LPA: variants seen among roughly 807,000 people sequenced by gnomAD.
The protein encoded by LPA is lipoprotein(a).
A neutral mutation model predicts 197.9 loss-of-function variants in LPA; 199 were observed. The ratio of observed to expected loss-of-function variants is 1.01; its 90% CI spans 0.90 to 1.13. LPA has a LOEUF of 1.13. LPA is among the 50% of genes most tolerant of loss of function. LPA has a pLI of 0.00. For synonymous variants in LPA, 715 were observed against 639.5 expected, an observed-to-expected ratio of 1.12 and a Z score of -1.78; for missense variants, 1,853 against 1,785.8, an observed-to-expected ratio of 1.04 and a Z score of -0.68.
intron 2 of LPA, among the ~76,000 whole-genome samples, chr6:160,647,005 T>G (rs1303776677): frequency 6.6e-6 from 1 of 152,126 alleles, no homozygotes; most frequent in East Asian, 1.9e-4. Context: ...CATTCCCATA[T>G]CATGTCGGTC....
chr6:160,611,556 A>T lies in LPA; in HGVS notation c.2603+6T>A, dbSNP rs1562345228. The stretch of plus-strand genomic sequence containing the variant: ...TATTCTCTTATGGTAAAGAACAAAG[A>T]CATACGCATTTGGGTAGTATTCTGG... On this transcript the variant is annotated splice_donor_region_variant and intron_variant, in intron 16 of 38. Coordinates refer to ENST00000316300, the MANE Select transcript of LPA (RefSeq NM_005577.4). The T allele has an allele frequency of 6.2e-7, 1 of 1,606,910 alleles. No individual in the cohort carries two copies. The highest frequency in any genetic ancestry group is 8.5e-7 in the Non-Finnish European group (1 of 1,179,076).
At chr6:160,571,743 C>A (rs1778565834) in intron 28 of LPA, among the ~76,000 whole-genome samples, 1 of 152,200 alleles carries the variant, frequency 6.6e-6, no homozygotes, top group Non-Finnish European at 1.5e-5. Flanking sequence ...CTTGAGCGTC[C>A]CAGGTCAACT....
intron 17 of LPA, among the ~76,000 whole-genome samples, chr6:160,605,716 A>G (rs898514752): frequency 1.3e-5 from 2 of 152,174 alleles, no homozygotes; most frequent in African/African-American, 4.8e-5. Flanking sequence ...GGGAGAGACA[A>G]CAGTCCTTCG....
chr6:160,646,660 A>G (rs368390423), intron 2 of LPA, among the ~76,000 whole-genome samples: 181 of 123,568 alleles, frequency 1.5e-3, no homozygotes, highest in South Asian at 5.6e-3. Context: ...GAGATAACAC[A>G]CACACGTGGC....
At chr6:160,584,938 C>CT in intron 26 of LPA, 108 bp downstream of exon 26, 1 of 1,161,404 alleles carries the variant, frequency 8.6e-7, no homozygotes, top group Non-Finnish European at 1.3e-6. Context: ...GCTACAAACT[C>CT]TGAGTCTATG....
Position 160,611,575 on chromosome 6 carries a change from A to T in LPA, c.2590T>A (p.Tyr864Asn). Residue 864 changes from tyrosine (Y) to asparagine (N), a missense_variant, in exon 16 of 39, where the codon TAC becomes AAC. Transcript: ENST00000316300. ...ACAAAGACATACGCATTTGGGTAGTATTCTGGGGTCCGACTATGCGAGTGT... is the reference window on the plus strand; with the variant it reads ...ACAAAGACATACGCATTTGGGTAGTTTTCTGGGGTCCGACTATGCGAGTGT... ...TPHSHSRTPE[Y>N]YPNAGLIMNY... 6.2e-7 allele frequency: 1 copy of T among 1,605,948 alleles called. No homozygotes were observed. Among genetic ancestry groups the T allele is most frequent in the Non-Finnish European group, 8.5e-7 (1 of 1,179,044 alleles).
Position 160,658,317 on chromosome 6 carries a change from G to A in LPA, c.49+5849C>T, listed in dbSNP as rs537908084. ...AACAGTAAACACCTGGCAAGGCTGT[G>A]CATGCACCTCTTGTTGCAGATCAGC... is the stretch of plus-strand genomic sequence containing the variant. On this transcript the variant is annotated intron_variant, in intron 1 of 38. Coordinates refer to ENST00000316300, the MANE Select transcript of LPA (RefSeq NM_005577.4). 2.0e-5 allele frequency among the ~76,000 whole-genome samples: 3 copies of A among 152,260 alleles called. No homozygotes were observed. In the East Asian group the frequency reaches 5.8e-4, roughly 29 times the overall value.
At chr6:160,567,273 A>G (rs1425010646) in intron 28 of LPA, among the ~76,000 whole-genome samples, 1 of 152,248 alleles carries the variant, frequency 6.6e-6, no homozygotes, top group African/African-American at 2.4e-5. Context: ...ATGTAAAAGA[A>G]CAGAAATTAT....
chr6:160,648,486 G>A (rs1779945156), intron 2 of LPA, among the ~76,000 whole-genome samples: 1 of 151,948 alleles, frequency 6.6e-6, no homozygotes, highest in Non-Finnish European at 1.5e-5. Flanking sequence ...CTTCCCACAT[G>A]TAGGAAATCT....
chr6:160,572,161 G>T (rs1246544344), intron 28 of LPA, among the ~76,000 whole-genome samples: 4 of 152,184 alleles, frequency 2.6e-5, no homozygotes, highest in Non-Finnish European at 5.9e-5. Context: ...TCCCAGGTGA[G>T]GTGACACCCC....
rs1583572866 is a variant in LPA, at chr6:160,551,438, AT to A, written c.4974-2780del. ...TGTTCCTATATTCTGGACACAAGCC[AT>A]TTGTCAGATATATGGACAGAGAGCA... On this transcript the variant is annotated intron_variant, in intron 30 of 38. Transcript: ENST00000316300. Among the ~76,000 whole-genome samples the A allele has an allele frequency of 2.0e-5, 3 of 152,312 alleles. No homozygotes were observed. In the East Asian group the frequency reaches 5.8e-4, roughly 29 times the overall value.
chr6:160,543,534 T>C lies in LPA; in HGVS notation c.5399-726A>G, dbSNP rs556538623. On this transcript the variant is annotated intron_variant, in intron 33 of 38. Coordinates refer to ENST00000316300, the MANE Select transcript of LPA (RefSeq NM_005577.4). ...CTCCAGTGAATCTGGAACCTGAGTTTTCCAAATAACTTTTCATTTGCTGTG... is the reference window on the plus strand; with the variant it reads ...CTCCAGTGAATCTGGAACCTGAGTTCTCCAAATAACTTTTCATTTGCTGTG... Among the ~76,000 whole-genome samples the C allele has an allele frequency of 5.9e-5, 9 of 152,338 alleles. No homozygotes were observed. In the South Asian group the frequency reaches 1.2e-3, roughly 21 times the overall value.
chr6:160,659,031 T>C (rs1334363875), intron 1 of LPA, among the ~76,000 whole-genome samples: 2 of 152,142 alleles, frequency 1.3e-5, no homozygotes, highest in Non-Finnish European at 2.9e-5. Flanking sequence ...GGTCCCATAA[T>C]AGGCCACCTG....
At chr6:160,553,629 C>G (rs527635597) in intron 30 of LPA, among the ~76,000 whole-genome samples, 91 of 152,188 alleles carry the variant, frequency 6.0e-4, no homozygotes, top group African/African-American at 2.1e-3. Flanking sequence ...ATAAGATTAT[C>G]CTTGTTATCT....
intron 31 of LPA, 77 bp downstream of exon 31, chr6:160,548,401 T>C (rs1194165348): frequency 2.7e-6 from 4 of 1,489,884 alleles, no homozygotes; most frequent in Middle Eastern, 2.0e-4. Context: ...TCAGTGTGGT[T>C]TTTCATGTCT....
At chr6:160,541,759 AG>A (rs1322927419) in intron 34 of LPA, among the ~76,000 whole-genome samples, 1 of 152,250 alleles carries the variant, frequency 6.6e-6, no homozygotes, top group East Asian at 1.9e-4. Flanking sequence ...GAATAGAGAT[AG>A]GAAGTGCATG....
intron 28 of LPA, among the ~76,000 whole-genome samples, chr6:160,575,944 A>C (rs1338131051): frequency 6.6e-6 from 1 of 151,568 alleles, no homozygotes; most frequent in African/African-American, 2.4e-5. Flanking sequence ...GTAATCCCAA[A>C]CTCTGGTGTC....
intron 30 of LPA, among the ~76,000 whole-genome samples, chr6:160,551,199 A>T (rs183802488): frequency 6.6e-6 from 1 of 152,340 alleles, no homozygotes; most frequent in East Asian, 1.9e-4. Flanking sequence ...CATCAGTGAC[A>T]TCAGTTACTG....
At chr6:160,651,768 T>A (rs1269335736) in intron 1 of LPA, among the ~76,000 whole-genome samples, 3 of 152,082 alleles carry the variant, frequency 2.0e-5, no homozygotes, top group African/African-American at 7.2e-5. Flanking sequence ...TATGTTAATA[T>A]GTTAAAGAAT....
Sources: allele counts gnomAD v4.1 joint callset (sites outside exome capture counted in the v4.1 genomes callset), GRCh38; gene constraint gnomAD v4.1.1; transcripts MANE v1.5; gene names NCBI Gene and HGNC (gene_info 2026-07-23, HGNC 2026-07-21).